The following BMP2 variants were observed in gnomAD, a reference collection of about 807,000 sequenced individuals.
The protein encoded by BMP2 is bone morphogenetic protein 2A.
Under a neutral mutation model 28.8 loss-of-function variants are expected in BMP2, and 2 were observed. The ratio of observed to expected loss-of-function variants is 0.07; its 90% CI spans 0.03 to 0.22. The LOEUF (loss-of-function observed/expected upper bound fraction) is 0.22, where lower values mean the gene tolerates loss of function less well. BMP2 is among the 10% of genes least tolerant of loss of function. BMP2 has a pLI of 1.00. For synonymous variants in BMP2, 218 were observed against 204.3 expected, an observed-to-expected ratio of 1.07 and a Z score of -0.57; for missense variants, 437 against 517.7, an observed-to-expected ratio of 0.84 and a Z score of 1.51.
chr20:6,779,107 C>G lies in BMP2; in HGVS notation c.*18C>G. 1 of 1,193,830 alleles carries G rather than the reference C, an allele frequency of 8.4e-7. No homozygotes were observed. Among genetic ancestry groups the G allele is most frequent in the Non-Finnish European group, 1.1e-6 (1 of 913,996 alleles). 74.0% of individuals were successfully genotyped at this position (1,193,830 alleles called of 1,614,324 possible). On this transcript the variant is annotated 3_prime_UTR_variant, in exon 3 of 3. Coordinates refer to ENST00000378827, the MANE Select transcript of BMP2 (RefSeq NM_001200.4). Reference sequence around the variant, plus strand: ...GTCGCTAGTACAGCAAAATTAAATACATAAATATATATATATATATATATT... The same window carrying G: ...GTCGCTAGTACAGCAAAATTAAATAGATAAATATATATATATATATATATT...
chr20:6,778,669 G>T lies in BMP2; in HGVS notation c.771G>T (p.Trp257Cys), dbSNP rs375357102. 8 of 1,614,004 alleles carry T rather than the reference G, an allele frequency of 5.0e-6. No individual in the cohort carries two copies. The highest frequency in any genetic ancestry group is 6.8e-6 in the Non-Finnish European group (8 of 1,180,032). Residue 257 changes from tryptophan to cysteine, a missense_variant, in exon 3 of 3, where the codon TGG becomes TGT. Trp to Cys is a radical substitution (Grantham distance 215). This residue lies in a region of BMP2 where 363 missense variants were observed against 392.8 expected (regional missense o/e 0.92). Transcript: ENST00000378827. The surrounding 1 kb of genome is among the most constrained non-coding windows in gnomAD (Gnocchi z 5.0). Reference protein sequence around the residue: ...SRSLHQDEHSWSQIRPLLVTF... With the variant: ...SRSLHQDEHSCSQIRPLLVTF... The stretch of plus-strand genomic sequence containing the variant: ...CTTTGCACCAAGATGAACACAGCTG[G>T]TCACAGATAAGGCCATTGCTAGTAA...
intron 2 of BMP2, among the ~76,000 whole-genome samples, chr20:6,777,216 A>G (rs1490526362): frequency 1.3e-5 from 2 of 152,222 alleles, no homozygotes; most frequent in South Asian, 2.1e-4. Context: ...TTTAAATCAG[A>G]CAAAGCTTTT....
chr20:6,768,344 C>T lies in BMP2; in HGVS notation c.-539C>T, dbSNP rs1986301077. 2.5e-6 allele frequency: 1 copy of T among 397,398 alleles called. No homozygotes were observed. Among genetic ancestry groups the T allele is most frequent in the African/African-American group, 2.1e-5 (1 of 48,544 alleles). 24.6% of individuals were successfully genotyped at this position (397,398 alleles called of 1,614,324 possible). On this transcript the variant is annotated 5_prime_UTR_variant, in exon 1 of 3. The change creates a premature stop within an existing upstream ORF in the 5' untranslated region. Coordinates refer to ENST00000378827, the MANE Select transcript of BMP2 (RefSeq NM_001200.4). ...GCCCTTCCCTGGACCCGGCGTCGCCCAGGATGGCTGCCCCGAGCCATGGGC... is the reference window on the plus strand; with the variant it reads ...GCCCTTCCCTGGACCCGGCGTCGCCTAGGATGGCTGCCCCGAGCCATGGGC...
chr20:6,770,512 T>G, intron 2 of BMP2, 40 bp downstream of exon 2: 1 of 1,534,422 alleles, frequency 6.5e-7, no homozygotes, highest in Non-Finnish European at 8.8e-7. Flanking sequence ...GGAGTCACCC[T>G]GCAAAGCCCT....
At position 6,767,884 on chromosome 20, in the gene BMP2, C is replaced by T. The variant is rs1403046468; in HGVS notation, c.-999C>T. 1.6e-5 allele frequency: 6 copies of T among 364,714 alleles called. 1 individual carries two copies. In the South Asian group the frequency reaches 7.1e-4, roughly 43 times the overall value. The allele number at this position is 364,714 out of a possible 1,614,324, so 22.6% of individuals were successfully genotyped here. On this transcript the variant is annotated 5_prime_UTR_variant, in exon 1 of 3. Transcript: ENST00000378827. ...GGATCACCGGGGACCGCGAGGCACCCGCGCGCCGCAGACCCCGCGCGGGCT... is the reference window on the plus strand; with the variant it reads ...GGATCACCGGGGACCGCGAGGCACCTGCGCGCCGCAGACCCCGCGCGGGCT...
At chr20:6,769,990 C>T (rs1432365729) in intron 1 of BMP2, 130 bp from the exon 2 acceptor site, 41 of 922,710 alleles carry the variant, frequency 4.4e-5, no homozygotes, top group Non-Finnish European at 5.9e-5. Context: ...TACCTAGACT[C>T]GTGAGTGTGC....
intron 1 of BMP2, among the ~76,000 whole-genome samples, chr20:6,769,615 GT>G (rs1367976885): frequency 2.7e-5 from 3 of 111,440 alleles, no homozygotes; most frequent in South Asian, 3.1e-4. Flanking sequence ...CTATAAGGGT[GT>G]GTGTGTGTGT....
chr20:6,772,564 T>A (rs944434098), intron 2 of BMP2, among the ~76,000 whole-genome samples: 1 of 152,228 alleles, frequency 6.6e-6, no homozygotes, highest in Non-Finnish European at 1.5e-5. Flanking sequence ...TGGTAAACCA[T>A]GTGATGAAGG....
chr20:6,777,531 C>A (rs1422411209), intron 2 of BMP2, among the ~76,000 whole-genome samples: 2 of 152,090 alleles, frequency 1.3e-5, no homozygotes, highest in Non-Finnish European at 2.9e-5. Flanking sequence ...GGTGAGAGAA[C>A]AGACAACAGT....
chr20:6,770,481 T>A lies in BMP2; in HGVS notation c.346+9T>A. 6.3e-7 allele frequency: 1 copy of A among 1,577,536 alleles called. No homozygotes were observed. Among genetic ancestry groups the A allele is most frequent in the South Asian group, 1.2e-5 (1 of 86,476 alleles). On this transcript the variant is annotated intron_variant, in intron 2 of 2. Coordinates refer to ENST00000378827, the MANE Select transcript of BMP2 (RefSeq NM_001200.4). Reference sequence around the variant, plus strand: ...CAGCTTCCACCATGAAGGTGAGGCATGGAGCAGGGCGTGGGGGCGGGGAGT... The same window carrying A: ...CAGCTTCCACCATGAAGGTGAGGCAAGGAGCAGGGCGTGGGGGCGGGGAGT...
At position 6,768,733 on chromosome 20, in the gene BMP2, C is replaced by A. The variant is rs1986318372; in HGVS notation, c.-150C>A. 2 of 397,620 alleles carry A rather than the reference C, an allele frequency of 5.0e-6. No homozygotes were observed. Among genetic ancestry groups the A allele is most frequent in the Non-Finnish European group, 8.9e-6 (2 of 225,646 alleles). The allele number at this position is 397,620 out of a possible 1,614,324, so 24.6% of individuals were successfully genotyped here. ...GTGAAAAGAGAGACTGCGCGGCCGG[C>A]ACCCGGGAGAAGGAGGAGGCAAAGA... On this transcript the variant is annotated 5_prime_UTR_variant, in exon 1 of 3. Transcript: ENST00000378827.
rs1986545252 is a variant in BMP2 at position 6,778,401 on chromosome 20, A to G, written c.503A>G (p.His168Arg). Residue 168 changes from histidine to arginine, a missense_variant, in exon 3 of 3, where the codon CAT (histidine) becomes CGT (arginine). Around this residue, in one of 2 missense-constraint regions of BMP2, gnomAD observed 363 missense variants for 392.8 expected, o/e 0.92. Transcript: ENST00000378827. This position sits in a 1 kb window ranked among gnomAD's most constrained non-coding sequence, Gnocchi z 5.0. The stretch of plus-strand genomic sequence containing the variant: ...GCTTTAGGAAACAATAGCAGTTTCC[A>G]TCACCGAATTAATATTTATGAAATC... ...QDALGNNSSF[H>R]HRINIYEIIK... The G allele has an allele frequency of 3.7e-6, 6 of 1,614,100 alleles. No homozygotes were observed. The highest frequency in any genetic ancestry group is 5.1e-6 in the Non-Finnish European group (6 of 1,180,024).
Position 6,779,143 on chromosome 20 carries a change from G to GA in BMP2, c.*61dup. On this transcript the variant is annotated 3_prime_UTR_variant, in exon 3 of 3. Transcript: ENST00000378827. ...ATATATATATATATTTTAGAAAAAA[G>GA]AAAAAAACAAACAAACAAAAAAACC... 1 of 929,594 alleles carries GA rather than the reference G, an allele frequency of 1.1e-6. No individual in the cohort carries two copies. Among genetic ancestry groups the GA allele is most frequent in the Non-Finnish European group, 1.4e-6 (1 of 735,678 alleles). The allele number at this position is 929,594 out of a possible 1,614,324, so 57.6% of individuals were successfully genotyped here. A position where few individuals can be genotyped will look rare whatever the true frequency, so the allele number is the denominator to read the frequency against.
chr20:6,770,622 A>T, intron 2 of BMP2, 150 bp downstream of exon 2: 1 of 793,480 alleles, frequency 1.3e-6, no homozygotes. Context: ...TCTGAATCTG[A>T]TTTTAACTCA....
At position 6,768,810 on chromosome 20, in the gene BMP2, C is replaced by T. The variant is rs1413664519; in HGVS notation, c.-73C>T. The T allele has an allele frequency of 2.5e-6, 1 of 397,622 alleles. No homozygotes were observed. Among genetic ancestry groups the T allele is most frequent in the Non-Finnish European group, 4.4e-6 (1 of 225,564 alleles). The allele number at this position is 397,622 out of a possible 1,614,324, so 24.6% of individuals were successfully genotyped here. ...CCAGGTCCTTTGACCAGAGTTTTTC[C>T]ATGTGGACGCTCTTTCAATGGACGT... On this transcript the variant is annotated 5_prime_UTR_variant, in exon 1 of 3. Transcript: ENST00000378827.
rs1383143296 is a variant in BMP2, at chr20:6,770,123, G to T, written c.-4G>T. ...CTCACGTCGGTCCTGTCCGCAGGTCGACCATGGTGGCCGGGACCCGCTGTC... is the reference window on the plus strand; with the variant it reads ...CTCACGTCGGTCCTGTCCGCAGGTCTACCATGGTGGCCGGGACCCGCTGTC... On this transcript the variant is annotated 5_prime_UTR_variant, in exon 2 of 3. Transcript: ENST00000378827. 14 of 1,538,272 alleles carry T rather than the reference G, an allele frequency of 9.1e-6. No individual in the cohort carries two copies. The highest frequency in any genetic ancestry group is 1.2e-5 in the South Asian group (1 of 83,898).
At position 6,768,200 on chromosome 20, in the gene BMP2, G is replaced by C. The variant is rs1339764868; in HGVS notation, c.-683G>C. Reference sequence around the variant, plus strand: ...GCTCGACTCGCCGGAGAATGCGCCCGAGGACGACGGGGCGCCAGAGCCGCG... The same window carrying C: ...GCTCGACTCGCCGGAGAATGCGCCCCAGGACGACGGGGCGCCAGAGCCGCG... On this transcript the variant is annotated 5_prime_UTR_variant, in exon 1 of 3. Coordinates refer to ENST00000378827, the MANE Select transcript of BMP2 (RefSeq NM_001200.4). The C allele has an allele frequency of 2.5e-6, 1 of 398,336 alleles. No homozygotes were observed. Among genetic ancestry groups the C allele is most frequent in the Non-Finnish European group, 4.4e-6 (1 of 225,926 alleles). 24.7% of individuals were successfully genotyped at this position (398,336 alleles called of 1,614,324 possible). A position where few individuals can be genotyped will look rare whatever the true frequency, so the allele number is the denominator to read the frequency against.
chr20:6,775,772 T>G (rs1034813407), intron 2 of BMP2, among the ~76,000 whole-genome samples: 2 of 152,196 alleles, frequency 1.3e-5, no homozygotes, highest in African/African-American at 4.8e-5. Flanking sequence ...GTCCCTTCAC[T>G]GTCATCGTCT....
At chr20:6,777,044 GAATAA>G (rs1986514741) in intron 2 of BMP2, among the ~76,000 whole-genome samples, 3 of 152,184 alleles carry the variant, frequency 2.0e-5, no homozygotes, top group Admixed American at 2.0e-4. Context: ...GGTAAAGTTA[GAATAA>G]AATAAACTTA....
Sources: gnomAD v4.1 joint callset for allele counts (sites outside exome capture counted in the v4.1 genomes callset) on GRCh38, gnomAD v4.1.1 for gene constraint, gnomAD v4.1.1 regional missense constraint, Gnocchi (gnomAD v3.1) non-coding constraint, MANE v1.5 for transcripts, NCBI Gene and HGNC (gene_info 2026-07-23, HGNC 2026-07-21) for gene names.